Variants in TFEC observed in about 807,000 individuals in gnomAD.
The protein encoded by TFEC is class E basic helix-loop-helix protein 34.
In TFEC, 31 loss-of-function variants were observed where a neutral mutation model predicts 41.6. The ratio of observed to expected loss-of-function variants is 0.74; its 90% CI spans 0.56 to 1.01. TFEC has a LOEUF of 1.01. TFEC is among the 50% of genes least tolerant of loss of function. The probability of loss-of-function intolerance (pLI) is 0.00; values close to 1 mark genes in which losing one functional copy is unlikely to be tolerated. For missense variants in TFEC, 402 were observed against 404.1 expected (o/e 0.99, Z 0.04); for synonymous variants, 143 against 140.6 (o/e 1.02, Z -0.12).
At chr7:116,017,866 A>G (rs1196754350) in intron 1 of TFEC, among the ~76,000 whole-genome samples, 1 of 152,140 alleles carries the variant, frequency 6.6e-6, no homozygotes, top group African/African-American at 2.4e-5. Context: ...TAGTATTGGC[A>G]TTTTGTAATT....
intron 3 of TFEC, among the ~76,000 whole-genome samples, chr7:116,038,156 T>G (rs796998905): frequency 3.3e-5 from 5 of 152,192 alleles, no homozygotes; most frequent in African/African-American, 1.2e-4. Context: ...AAGGCATTAA[T>G]GTAATTTAAT....
At position 116,069,779 on chromosome 7, in the gene TFEC, A is replaced by G. The variant is rs551346630; in HGVS notation, c.198+40929T>C. 5.9e-5 allele frequency among the ~76,000 whole-genome samples: 9 copies of G among 151,702 alleles called. 1 individual carries two copies. In the South Asian group the frequency reaches 1.9e-3, roughly 31 times the overall value. On this transcript the variant is annotated intron_variant, in intron 3 of 8. Coordinates refer to the TFEC transcript ENST00000484212. ...GTGGAAAATCACAAAAGCATCCTACATGGTCTTTTGCCAACCACAATTCAT... is the reference window on the plus strand; with the variant it reads ...GTGGAAAATCACAAAAGCATCCTACGTGGTCTTTTGCCAACCACAATTCAT...
chr7:115,951,010 T>A, intron 5 of TFEC, 61 bp from the exon 6 acceptor site: 1 of 1,036,676 alleles, frequency 9.6e-7, no homozygotes, highest in East Asian at 2.8e-5. Context: ...TTTGGTCAGC[T>A]GTAAACATTT....
chr7:116,124,327 G>T (rs1478978828), intron 1 of TFEC, among the ~76,000 whole-genome samples: 1 of 152,150 alleles, frequency 6.6e-6, no homozygotes, highest in East Asian at 1.9e-4. Context: ...ATGTTAACTT[G>T]CATTCTAAGG....
chr7:116,071,902 T>C (rs142221497), intron 3 of TFEC, among the ~76,000 whole-genome samples: 54 of 151,548 alleles, frequency 3.6e-4, no homozygotes, highest in Non-Finnish European at 6.5e-4. Flanking sequence ...TAGTATTACT[T>C]AGTAGTAACA....
At chr7:116,093,915 G>A (rs549540505) in intron 3 of TFEC, among the ~76,000 whole-genome samples, 185 of 152,182 alleles carry the variant, frequency 1.2e-3, no homozygotes, top group Middle Eastern at 3.4e-3. Flanking sequence ...TTTTTAAGGC[G>A]GTTTGCAAAA....
chr7:116,156,718 C>T (rs1434006901), intron 1 of TFEC, among the ~76,000 whole-genome samples: 1 of 152,116 alleles, frequency 6.6e-6, no homozygotes, highest in African/African-American at 2.4e-5. Flanking sequence ...GTTAACAGGC[C>T]TCCATTTAAT....
At chr7:116,017,650 C>T (rs1795244265) in intron 1 of TFEC, among the ~76,000 whole-genome samples, 1 of 152,120 alleles carries the variant, frequency 6.6e-6, no homozygotes, top group African/African-American at 2.4e-5. Flanking sequence ...TGTGGTCTAG[C>T]CATACTGGAC....
intron 6 of TFEC, among the ~76,000 whole-genome samples, chr7:115,948,210 C>G (rs557413006): frequency 6.6e-6 from 1 of 151,652 alleles, no homozygotes; most frequent in African/African-American, 2.4e-5. Context: ...TAATCAATAG[C>G]TTACCAACCA....
At chr7:116,102,689 A>G (rs775607846) in intron 3 of TFEC, among the ~76,000 whole-genome samples, 1 of 152,230 alleles carries the variant, frequency 6.6e-6, no homozygotes, top group Admixed American at 6.5e-5. Flanking sequence ...GAAGTACACA[A>G]CACCTAAGAA....
intron 1 of TFEC, among the ~76,000 whole-genome samples, chr7:116,124,284 GA>G (rs539517550): frequency 6.6e-6 from 1 of 151,978 alleles, no homozygotes; most frequent in East Asian, 1.9e-4. Flanking sequence ...AAAAACGGGG[GA>G]AAAAAGAAAT....
intron 3 of TFEC, among the ~76,000 whole-genome samples, chr7:116,037,334 A>C (rs905352754): frequency 6.6e-6 from 1 of 152,014 alleles, no homozygotes; most frequent in African/African-American, 2.4e-5. Flanking sequence ...CTTCCCTCCT[A>C]AAAATCTAAG....
chr7:115,993,042 G>T (rs1794196085), intron 1 of TFEC, among the ~76,000 whole-genome samples: 2 of 152,176 alleles, frequency 1.3e-5, no homozygotes, highest in Non-Finnish European at 2.9e-5. Context: ...ATGCAAGGCT[G>T]GTTCAACATA....
chr7:116,123,523 C>T (rs1351485627), intron 1 of TFEC, among the ~76,000 whole-genome samples: 1 of 148,860 alleles, frequency 6.7e-6, no homozygotes, highest in African/African-American at 2.5e-5. Flanking sequence ...CACTTCCCTA[C>T]AAAAAAAAAA....
intron 3 of TFEC, among the ~76,000 whole-genome samples, chr7:116,075,866 AT>A (rs1268390922): frequency 6.6e-6 from 1 of 152,102 alleles, no homozygotes; most frequent in African/African-American, 2.4e-5. Flanking sequence ...AGAAATCTGA[AT>A]ACTTAACCAG....
intron 3 of TFEC, among the ~76,000 whole-genome samples, chr7:116,091,356 G>A (rs760727582): frequency 6.6e-6 from 1 of 152,100 alleles, no homozygotes; most frequent in Non-Finnish European, 1.5e-5. Context: ...ATTAAACAAT[G>A]TAAAATCCTA....
chr7:116,051,142 T>C (rs1365987760), intron 3 of TFEC, among the ~76,000 whole-genome samples: 1 of 151,774 alleles, frequency 6.6e-6, no homozygotes, highest in Admixed American at 6.6e-5. Context: ...CACTGGGGCC[T>C]GTCTTGGGGT....
chr7:116,027,588 C>A (rs563293655), intron 1 of TFEC, among the ~76,000 whole-genome samples: 5 of 152,052 alleles, frequency 3.3e-5, no homozygotes, highest in African/African-American at 4.8e-5. Flanking sequence ...CAGAGTGAGA[C>A]CCTGTCTCAA....
intron 6 of TFEC, among the ~76,000 whole-genome samples, chr7:115,950,441 G>T (rs915067468): frequency 6.6e-6 from 1 of 152,050 alleles, no homozygotes; most frequent in African/African-American, 2.4e-5. Context: ...GATTCCATTT[G>T]TTACTTGTGT....
Sources: allele counts gnomAD v4.1 joint callset (sites outside exome capture counted in the v4.1 genomes callset), GRCh38; gene constraint gnomAD v4.1.1; transcripts MANE v1.5; gene names NCBI Gene and HGNC (gene_info 2026-07-23, HGNC 2026-07-21).